The following ADAMTS3 variants were observed in gnomAD, a reference collection of about 807,000 sequenced individuals.
ADAMTS3 encodes A disintegrin and metalloproteinase with thrombospondin motifs 3.
ADAMTS3 carries 73 observed loss-of-function variants against 129.0 expected under a neutral mutation model. The ratio of observed to expected loss-of-function variants is 0.57; its 90% CI spans 0.47 to 0.69. The LOEUF (loss-of-function observed/expected upper bound fraction) is 0.69. Among genes scored for constraint, ADAMTS3 ranks in the 30% least tolerant of loss-of-function variants. The pLI, the probability that ADAMTS3 is intolerant of heterozygous loss-of-function variation, is 0.00. For synonymous variants in ADAMTS3, 477 were observed against 510.8 expected, an observed-to-expected ratio of 0.93 and a Z score of 0.89; for missense variants, 1,457 against 1,514.5, an observed-to-expected ratio of 0.96 and a Z score of 0.63.
intron 3 of ADAMTS3, among the ~76,000 whole-genome samples, chr4:72,419,007 A>G (rs1722377788): frequency 6.6e-6 from 1 of 152,126 alleles, no homozygotes; most frequent in South Asian, 2.1e-4. Context: ...TTAAAGAGCC[A>G]CACCACACTT....
At chr4:72,513,058 T>C (rs537490871) in intron 3 of ADAMTS3, among the ~76,000 whole-genome samples, 56 of 152,180 alleles carry the variant, frequency 3.7e-4, no homozygotes, top group Admixed American at 6.6e-4. Context: ...TTACCTCCTT[T>C]AAAAGTTCCA....
At chr4:72,432,645 A>C (rs890306130) in intron 3 of ADAMTS3, among the ~76,000 whole-genome samples, 1 of 152,032 alleles carries the variant, frequency 6.6e-6, no homozygotes, top group Non-Finnish European at 1.5e-5. Flanking sequence ...TAAGTATTAA[A>C]GAGAACTAAT....
At chr4:72,472,111 C>G (rs934226921) in intron 3 of ADAMTS3, among the ~76,000 whole-genome samples, 13 of 151,950 alleles carry the variant, frequency 8.6e-5, no homozygotes, top group Admixed American at 7.2e-4. Context: ...AAATCCTGGT[C>G]CAGGAAAAAT....
At chr4:72,462,369 A>G (rs1316591863) in intron 3 of ADAMTS3, among the ~76,000 whole-genome samples, 2 of 152,002 alleles carry the variant, frequency 1.3e-5, no homozygotes, top group Non-Finnish European at 2.9e-5. Context: ...TAGTTCTAAA[A>G]AGTCTCATCA....
intron 3 of ADAMTS3, among the ~76,000 whole-genome samples, chr4:72,418,796 G>A (rs1344464980): frequency 6.6e-6 from 1 of 152,184 alleles, no homozygotes; most frequent in Non-Finnish European, 1.5e-5. Flanking sequence ...CACTTTAATT[G>A]CTTCCCATTG....
At chr4:72,450,231 T>G (rs1400911423) in intron 3 of ADAMTS3, among the ~76,000 whole-genome samples, 3 of 151,734 alleles carry the variant, frequency 2.0e-5, no homozygotes, top group Non-Finnish European at 4.4e-5. Context: ...AGAACACCTT[T>G]CCTCATACAA....
chr4:72,501,205 G>C (rs1193275266), intron 3 of ADAMTS3, among the ~76,000 whole-genome samples: 1 of 152,094 alleles, frequency 6.6e-6, no homozygotes, highest in Non-Finnish European at 1.5e-5. Context: ...GCTTTGGACA[G>C]TATGGCCATT....
chr4:72,363,754 T>C (rs1720789943), intron 4 of ADAMTS3, among the ~76,000 whole-genome samples: 1 of 151,148 alleles, frequency 6.6e-6, no homozygotes, highest in Admixed American at 6.6e-5. Context: ...AAAATACCTA[T>C]ATAAAGACTT....
At chr4:72,390,943 A>T (rs1348816831) in intron 4 of ADAMTS3, among the ~76,000 whole-genome samples, 18 of 151,134 alleles carry the variant, frequency 1.2e-4, no homozygotes, top group Admixed American at 9.9e-4. Context: ...CTTCTTTTAT[A>T]TTCTGGGAAA....
At chr4:72,461,251 G>T (rs989101786) in intron 3 of ADAMTS3, among the ~76,000 whole-genome samples, 1 of 151,348 alleles carries the variant, frequency 6.6e-6, no homozygotes, top group Non-Finnish European at 1.5e-5. Flanking sequence ...GAAATATTAT[G>T]ATCTGAGTTA....
At chr4:72,464,053 A>C (rs1718855145) in intron 3 of ADAMTS3, among the ~76,000 whole-genome samples, 1 of 152,018 alleles carries the variant, frequency 6.6e-6, no homozygotes, top group Non-Finnish European at 1.5e-5. Flanking sequence ...GTGCTACTCC[A>C]TCTAAAAAGC....
chr4:72,550,110 A>G (rs1332189043), intron 2 of ADAMTS3, among the ~76,000 whole-genome samples: 2 of 139,100 alleles, frequency 1.4e-5, no homozygotes, highest in African/African-American at 2.7e-5. Context: ...GAAGAAGAAG[A>G]AGAAGAAGGC....
intron 3 of ADAMTS3, among the ~76,000 whole-genome samples, chr4:72,435,913 T>A (rs1192636100): frequency 6.6e-6 from 1 of 152,012 alleles, no homozygotes. Context: ...GAAGAAAACC[T>A]AGGCAATACC....
intron 2 of ADAMTS3, among the ~76,000 whole-genome samples, chr4:72,561,330 G>T (rs1242500611): frequency 6.6e-6 from 1 of 151,798 alleles, no homozygotes; most frequent in Non-Finnish European, 1.5e-5. Context: ...CTGAGCAACA[G>T]AGTGAGACTC....
At chr4:72,314,237 G>A (rs766959230) in intron 11 of ADAMTS3, among the ~76,000 whole-genome samples, 1 of 152,062 alleles carries the variant, frequency 6.6e-6, no homozygotes, top group Non-Finnish European at 1.5e-5. Flanking sequence ...ACTATGTCTT[G>A]GTTTAGATAA....
At chr4:72,519,529 G>T (rs1034638758) in intron 3 of ADAMTS3, among the ~76,000 whole-genome samples, 5 of 152,128 alleles carry the variant, frequency 3.3e-5, no homozygotes, top group Non-Finnish European at 7.3e-5. Flanking sequence ...TGGAGGCTTT[G>T]TTCATTTCTT....
At chr4:72,458,659 C>T (rs1207666892) in intron 3 of ADAMTS3, among the ~76,000 whole-genome samples, 1 of 151,368 alleles carries the variant, frequency 6.6e-6, no homozygotes, top group East Asian at 1.9e-4. Flanking sequence ...AAAAAAAACA[C>T]AGTGACATAA....
chr4:72,442,568 T>C (rs1455028407), intron 3 of ADAMTS3, among the ~76,000 whole-genome samples: 1 of 151,620 alleles, frequency 6.6e-6, no homozygotes, highest in Non-Finnish European at 1.5e-5. Context: ...TCAAGAAGGG[T>C]CCACCTCCAT....
chr4:72,497,929 A>T (rs1719910206), intron 3 of ADAMTS3, among the ~76,000 whole-genome samples: 1 of 152,068 alleles, frequency 6.6e-6, no homozygotes, highest in South Asian at 2.1e-4. Context: ...GTTAAAAGAT[A>T]AAAAGATTTG....
Sources: allele counts gnomAD v4.1 joint callset (sites outside exome capture counted in the v4.1 genomes callset), GRCh38; gene constraint gnomAD v4.1.1; transcripts MANE v1.5; gene names NCBI Gene and HGNC (gene_info 2026-07-23, HGNC 2026-07-21).